PIK3C2G: variants seen among roughly 807,000 people sequenced by gnomAD.
PIK3C2G encodes the protein phosphatidylinositol 3-kinase C2 domain-containing subunit gamma.
A neutral mutation model predicts 181.1 loss-of-function variants in PIK3C2G; 168 were observed. The ratio of observed to expected loss-of-function variants is 0.93; its 90% CI spans 0.82 to 1.05. The LOEUF (loss-of-function observed/expected upper bound fraction) is 1.05, where lower values mean the gene tolerates loss of function less well. Among genes scored for constraint, PIK3C2G ranks in the 50% least tolerant of loss-of-function variants. PIK3C2G has a pLI of 0.00. For synonymous variants in PIK3C2G, 573 were observed against 592.2 expected, an observed-to-expected ratio of 0.97 and a Z score of 0.47; for missense variants, 1,869 against 1,732.8, an observed-to-expected ratio of 1.08 and a Z score of -1.40.
intron 12 of PIK3C2G, among the ~76,000 whole-genome samples, chr12:18,364,882 AAAACAAACAAAC>A (rs139815938): frequency 1.3e-5 from 2 of 151,690 alleles, no homozygotes; most frequent in Non-Finnish European, 2.9e-5. Flanking sequence ...AGCAAGTCTA[AAAACAAACAAAC>A]AAACAAACAA....
At chr12:18,580,143 AAAGAG>A (rs908483438) in intron 29 of PIK3C2G, among the ~76,000 whole-genome samples, 6 of 152,150 alleles carry the variant, frequency 3.9e-5, no homozygotes, top group African/African-American at 1.2e-4. Context: ...AAAAAAAAAA[AAAGAG>A]AGAGAGAGAG....
At chr12:18,685,730 A>T in the PIK3C2G span, 1 of 477,866 alleles carries the variant, frequency 2.1e-6, no homozygotes, top group Middle Eastern at 3.4e-4. Context: ...ACTGCAAAAC[A>T]TCTGCAGAAA....
At chr12:18,566,594 T>C (rs1945648082) in intron 28 of PIK3C2G, among the ~76,000 whole-genome samples, 1 of 152,206 alleles carries the variant, frequency 6.6e-6, no homozygotes. Context: ...CAATAGAATC[T>C]GAACCTTTTT....
intron 20 of PIK3C2G, 75 bp downstream of exon 20, chr12:18,491,633 T>C: frequency 1.3e-6 from 1 of 796,462 alleles, no homozygotes; most frequent in Non-Finnish European, 2.1e-6. Flanking sequence ...ATGTTTGAAA[T>C]GGCAAAAAGA....
At chr12:18,319,557 T>G (rs964016999) in intron 6 of PIK3C2G, among the ~76,000 whole-genome samples, 7 of 152,170 alleles carry the variant, frequency 4.6e-5, no homozygotes, top group African/African-American at 1.7e-4. Context: ...TTAAAAAATT[T>G]TTCTAGCAAA....
intron 12 of PIK3C2G, among the ~76,000 whole-genome samples, chr12:18,368,828 A>C (rs1449321050): frequency 6.6e-6 from 1 of 152,200 alleles, no homozygotes; most frequent in African/African-American, 2.4e-5. Context: ...TCATTGAATT[A>C]AATTAACTTC....
At chr12:18,469,830 C>G (rs1386884523) in intron 18 of PIK3C2G, among the ~76,000 whole-genome samples, 1 of 149,230 alleles carries the variant, frequency 6.7e-6, no homozygotes, top group Non-Finnish European at 1.5e-5. Context: ...TACCAGATAT[C>G]AGCACCCTCT....
At chr12:18,699,819 TTG>T in the PIK3C2G span, 1 of 1,613,624 alleles carries the variant, frequency 6.2e-7, no homozygotes, top group Non-Finnish European at 8.5e-7. Context: ...GTTTTCGGGC[TTG>T]TGTCTCCCCA....
intron 18 of PIK3C2G, among the ~76,000 whole-genome samples, chr12:18,430,932 C>T (rs949174018): frequency 6.6e-6 from 1 of 151,996 alleles, no homozygotes; most frequent in Non-Finnish European, 1.5e-5. Flanking sequence ...TGAGATGATC[C>T]AAAAATCTGT....
At chr12:18,692,701 T>C in the PIK3C2G span, 2 of 751,730 alleles carry the variant, frequency 2.7e-6, no homozygotes, top group Admixed American at 2.6e-5. Context: ...CAAAATCAAA[T>C]ACAGACTTTG....
At chr12:18,425,892 A>G (rs1945780045) in intron 18 of PIK3C2G, among the ~76,000 whole-genome samples, 1 of 152,218 alleles carries the variant, frequency 6.6e-6, no homozygotes, top group Admixed American at 6.5e-5. Flanking sequence ...AGGCCAATCC[A>G]TGTAGTGATT....
At chr12:18,314,515 C>T (rs1239622813) in intron 6 of PIK3C2G, 2 of 153,878 alleles carry the variant, frequency 1.3e-5, no homozygotes, top group African/African-American at 2.4e-5. Flanking sequence ...CTTTCTCTTT[C>T]CTCTCACTAG....
intron 15 of PIK3C2G, among the ~76,000 whole-genome samples, chr12:18,391,845 G>GTCTC (rs55958636): frequency 0.13 from 19,465 of 151,600 alleles, 1,262 homozygotes; most frequent in African/African-American, 0.16. Flanking sequence ...CTGAGAAAGT[G>GTCTC]TCTCTCTCTC....
chr12:18,506,095 A>G (rs1941813988), intron 24 of PIK3C2G, among the ~76,000 whole-genome samples: 2 of 152,202 alleles, frequency 1.3e-5, no homozygotes. Context: ...TTAAAGAGGC[A>G]TCTCGGAAGA....
chr12:18,455,552 A>G (rs2135910632), intron 18 of PIK3C2G, among the ~76,000 whole-genome samples: 1 of 152,254 alleles, frequency 6.6e-6, no homozygotes, highest in African/African-American at 2.4e-5. Flanking sequence ...AAAATACCAT[A>G]AACCAAGTGG....
chr12:18,651,782 T>C (rs1365580699), downstream of PIK3C2G, among the ~76,000 whole-genome samples: 1 of 152,084 alleles, frequency 6.6e-6, no homozygotes, highest in Non-Finnish European at 1.5e-5. Flanking sequence ...CCTTGCAGGG[T>C]ATATGAATGT....
chr12:18,527,220 A>AT (rs1422212043), intron 24 of PIK3C2G, among the ~76,000 whole-genome samples: 1 of 152,138 alleles, frequency 6.6e-6, no homozygotes, highest in South Asian at 2.1e-4. Flanking sequence ...TAAGGATCTC[A>AT]TAGCGTTGAC....
intron 22 of PIK3C2G, among the ~76,000 whole-genome samples, chr12:18,503,019 A>G (rs1309513312): frequency 6.6e-6 from 1 of 152,164 alleles, no homozygotes; most frequent in Non-Finnish European, 1.5e-5. Context: ...CATCATCAAC[A>G]TTGGCTTGCT....
chr12:18,707,625 T>A, the PIK3C2G span, among the ~76,000 whole-genome samples: 7 of 152,170 alleles, frequency 4.6e-5, no homozygotes, highest in Non-Finnish European at 1.0e-4. Context: ...AAACTTAGAT[T>A]TCTTATGTAT....
Sources: gnomAD v4.1 joint callset for allele counts (sites outside exome capture counted in the v4.1 genomes callset) on GRCh38, gnomAD v4.1.1 for gene constraint, MANE v1.5 for transcripts, NCBI Gene and HGNC (gene_info 2026-07-23, HGNC 2026-07-21) for gene names.